Variants in ELOVL2 observed in about 807,000 individuals in gnomAD.
ELOVL2 encodes ELOVL fatty acid elongase 2, also known as very long chain fatty acid elongase 2.
A neutral mutation model predicts 37.7 loss-of-function variants in ELOVL2; 38 were observed. The ratio of observed to expected loss-of-function variants is 1.01; its 90% CI spans 0.78 to 1.32. The LOEUF (loss-of-function observed/expected upper bound fraction) is 1.32. Ranked by LOEUF, ELOVL2 falls within the 40% of genes most tolerant of loss-of-function variation. The probability of loss-of-function intolerance (pLI) is 0.00; values close to 1 mark genes in which losing one functional copy is unlikely to be tolerated. For missense variants in ELOVL2, 352 were observed against 363.6 expected, an observed-to-expected ratio of 0.97 and a Z score of 0.26; for synonymous variants, 115 against 122.3, an observed-to-expected ratio of 0.94 and a Z score of 0.40.
chr6:11,042,946 G>C (rs963522643), intron 1 of ELOVL2, among the ~76,000 whole-genome samples: 18 of 152,288 alleles, frequency 1.2e-4, no homozygotes, highest in Admixed American at 1.2e-3. Context: ...GTGTCTTCCT[G>C]AAACCTATAT....
chr6:10,985,374 C>T (rs1056162966), intron 7 of ELOVL2, among the ~76,000 whole-genome samples: 13 of 150,646 alleles, frequency 8.6e-5, no homozygotes, highest in Non-Finnish European at 1.6e-4. Flanking sequence ...AATTAGATCC[C>T]ATTTGTCAAT....
chr6:11,004,806 T>C (rs1056061084), intron 3 of ELOVL2, among the ~76,000 whole-genome samples: 3 of 152,230 alleles, frequency 2.0e-5, no homozygotes, highest in African/African-American at 7.2e-5. Flanking sequence ...TAACATGATC[T>C]TGAAAGGCCC....
chr6:10,991,754 C>T (rs2113477189), intron 5 of ELOVL2, among the ~76,000 whole-genome samples: 1 of 152,266 alleles, frequency 6.6e-6, no homozygotes, highest in East Asian at 1.9e-4. Context: ...TACCAAGCAG[C>T]ATAGTATTAG....
At chr6:10,995,693 C>G (rs1389289456) in intron 4 of ELOVL2, among the ~76,000 whole-genome samples, 1 of 152,204 alleles carries the variant, frequency 6.6e-6, no homozygotes, top group African/African-American at 2.4e-5. Context: ...TCAGGCTGAA[C>G]TGCTGCTTCA....
At chr6:11,012,696 G>A (rs1782605016) in intron 1 of ELOVL2, among the ~76,000 whole-genome samples, 1 of 152,312 alleles carries the variant, frequency 6.6e-6, no homozygotes, top group South Asian at 2.1e-4. Context: ...AACAAGGGAA[G>A]ATGTGGAGAA....
intron 5 of ELOVL2, among the ~76,000 whole-genome samples, chr6:10,993,857 ATTTTTTTTTTTTTTTTTTT>A (rs530539525): frequency 1.3e-5 from 1 of 79,042 alleles, no homozygotes; most frequent in Admixed American, 1.8e-4. Context: ...CGCCCAGCTA[ATTTTTTTTTTTTTTTTTTT>A]TTTTTTTTTT....
intron 1 of ELOVL2, among the ~76,000 whole-genome samples, chr6:11,023,098 T>C (rs1489006104): frequency 1.3e-5 from 2 of 152,248 alleles, no homozygotes; most frequent in Admixed American, 6.5e-5. Context: ...TTCAAGATAT[T>C]TGTAATGATT....
intron 1 of ELOVL2, among the ~76,000 whole-genome samples, chr6:11,038,408 G>A (rs1783048722): frequency 6.6e-6 from 1 of 152,032 alleles, no homozygotes; most frequent in African/African-American, 2.4e-5. Context: ...TTGAACCCTG[G>A]AGTCAGAGGT....
intron 1 of ELOVL2, among the ~76,000 whole-genome samples, chr6:11,026,813 T>C (rs1782844358): frequency 6.6e-6 from 1 of 152,234 alleles, no homozygotes; most frequent in Non-Finnish European, 1.5e-5. Context: ...TACATAGCTA[T>C]ATGGAGTATT....
intron 7 of ELOVL2, among the ~76,000 whole-genome samples, chr6:10,985,997 ATTTG>A (rs1230879121): frequency 2.6e-5 from 4 of 152,298 alleles, no homozygotes; most frequent in African/African-American, 7.2e-5. Flanking sequence ...ATGTTCTTCC[ATTTG>A]TTTGTATCCT....
In ELOVL2 at chr6:11,005,448, G is replaced by A; in HGVS notation, c.179C>T (p.Pro60Leu). 1 of 1,613,996 alleles carries A rather than the reference G, an allele frequency of 6.2e-7. No individual in the cohort carries two copies. Among genetic ancestry groups the A allele is most frequent in the Non-Finnish European group, 8.5e-7 (1 of 1,179,938 alleles). The change falls in exon 3 of 8, where the codon CCT becomes CTT. Residue 60 changes from proline (P) to leucine (L), a missense_variant. Physicochemically the swap from Pro to Leu is moderately conservative, Grantham distance 98 (BLOSUM62 -3). Coordinates refer to ENST00000354666, the MANE Select transcript of ELOVL2 (RefSeq NM_017770.4). ...GAGGATACCCCTGAGAGAAAGAGCA[G>A]GTCTGTTCTTCATATACTTGTTACC... ...WLGNKYMKNR[P>L]ALSLRGILTL...
chr6:11,037,171 A>AAGAGAGGCAGAGAGGGAAAG lies in ELOVL2; in HGVS notation c.3+7037_3+7056dup, dbSNP rs111318368. 4.4e-3 allele frequency among the ~76,000 whole-genome samples: 636 copies of AAGAGAGGCAGAGAGGGAAAG among 146,154 alleles called. 6 individuals are homozygous for AAGAGAGGCAGAGAGGGAAAG. Among genetic ancestry groups the AAGAGAGGCAGAGAGGGAAAG allele is most frequent in the African/African-American group, 0.015 (591 of 39,594 alleles). On this transcript the variant is annotated intron_variant, in intron 1 of 7. Coordinates refer to ENST00000354666, the MANE Select transcript of ELOVL2 (RefSeq NM_017770.4). ...CAGAGAGGCAGAGAGGGAAAGAGAC[A>AAGAGAGGCAGAGAGGGAAAG]AGAGAGGCAGAGAGGGAAAGAGAGA...
intron 1 of ELOVL2, among the ~76,000 whole-genome samples, chr6:11,043,240 G>C (rs752302292): frequency 1.1e-4 from 17 of 152,112 alleles, no homozygotes; most frequent in African/African-American, 3.1e-4. Flanking sequence ...CTACGGGAAG[G>C]GGGTGAGGCA....
intron 5 of ELOVL2, among the ~76,000 whole-genome samples, chr6:10,990,749 G>T (rs929136517): frequency 6.6e-6 from 1 of 151,970 alleles, no homozygotes; most frequent in Non-Finnish European, 1.5e-5. Context: ...AGCTACTGAG[G>T]GAGGAAAAGA....
At position 10,983,802 on chromosome 6, in the gene ELOVL2, C is replaced by G. The variant is rs1489580734; in HGVS notation, c.870G>C (p.Val290=). The change falls in exon 8 of 8, where the codon GTG becomes GTC. Residue 290 remains valine (V), a synonymous_variant. Transcript: ENST00000354666. The part of the protein sequence containing the change: ...SKAYFTAANG[V]MNKKAQ ...ATTTTTATTGTGCTTTCTTGTTCAT[C>G]ACTCCATTTGCTGCAGTGAAGTAGG... 1 of 1,610,118 alleles carries G rather than the reference C, an allele frequency of 6.2e-7. No individual in the cohort carries two copies. The highest frequency in any genetic ancestry group is 1.7e-5 in the Admixed American group (1 of 58,986).
intron 1 of ELOVL2, among the ~76,000 whole-genome samples, chr6:11,040,761 T>C (rs182881443): frequency 6.6e-6 from 1 of 152,318 alleles, no homozygotes; most frequent in East Asian, 1.9e-4. Flanking sequence ...AGCACTGTTT[T>C]AGACACATAA....
chr6:11,021,741 A>C (rs1332424760), intron 1 of ELOVL2, among the ~76,000 whole-genome samples: 1 of 152,228 alleles, frequency 6.6e-6, no homozygotes, highest in African/African-American at 2.4e-5. Flanking sequence ...ATATCTTTTA[A>C]ACAGCAGTTT....
intron 1 of ELOVL2, among the ~76,000 whole-genome samples, chr6:11,035,706 T>G (rs570213910): frequency 1.1e-3 from 161 of 152,340 alleles, no homozygotes; most frequent in South Asian, 5.0e-3. Flanking sequence ...TTCTATTGGA[T>G]GGAATGGCAC....
chr6:11,010,037 T>C (rs1782547067), intron 2 of ELOVL2, among the ~76,000 whole-genome samples: 1 of 150,986 alleles, frequency 6.6e-6, no homozygotes, highest in Admixed American at 6.6e-5. Flanking sequence ...TTTTTTTTTT[T>C]TTTTGAGACA....
Sources: gnomAD v4.1 joint callset for allele counts (sites outside exome capture counted in the v4.1 genomes callset) on GRCh38, gnomAD v4.1.1 for gene constraint, MANE v1.5 for transcripts, NCBI Gene and HGNC (gene_info 2026-07-23, HGNC 2026-07-21) for gene names.